CACNB1: variants seen among roughly 807,000 people sequenced by gnomAD.
CACNB1 encodes the protein voltage-dependent L-type calcium channel subunit beta-1.
A neutral mutation model predicts 71.6 loss-of-function variants in CACNB1; 29 were observed. The observed-to-expected ratio is 0.40, with a 90% confidence interval of 0.30 to 0.55. The LOEUF (loss-of-function observed/expected upper bound fraction) is 0.55, where lower values mean the gene tolerates loss of function less well. Ranked by LOEUF, CACNB1 falls within the 20% of genes least tolerant of loss-of-function variation. CACNB1 has a pLI of 0.38. For missense variants in CACNB1, 623 were observed against 801.8 expected (o/e 0.78, Z 2.69); for synonymous variants, 300 against 319.6 (o/e 0.94, Z 0.65).
intron 2 of CACNB1, chr17:39,193,247 CACAG>C: frequency 1.0e-5 from 3 of 300,778 alleles, no homozygotes; most frequent in Non-Finnish European, 2.0e-5. Context: ...CACAGGTGCA[CACAG>C]ACACACATGT....
intron 1 of CACNB1, among the ~76,000 whole-genome samples, chr17:39,196,293 A>T (rs2046199837): frequency 6.6e-6 from 1 of 151,890 alleles, no homozygotes; most frequent in Admixed American, 6.6e-5. Context: ...GATGCTCCCT[A>T]CAAACCTAGG....
chr17:39,187,086 T>C, intron 4 of CACNB1, 157 bp from the exon 5 acceptor site: 1 of 736,916 alleles, frequency 1.4e-6, no homozygotes, highest in Non-Finnish European at 2.2e-6. Flanking sequence ...TGAGTGGAGC[T>C]GCCAATTCTC....
At chr17:39,184,992 G>A (rs1054131915) in intron 7 of CACNB1, 128 bp from the exon 8 acceptor site, 116 of 970,846 alleles carry the variant, frequency 1.2e-4, no homozygotes, top group Middle Eastern at 2.1e-4. Context: ...AGGGATCAGG[G>A]TGGGGGTGGG....
At chr17:39,190,977 G>A (rs1246382512) in intron 3 of CACNB1, among the ~76,000 whole-genome samples, 3 of 151,840 alleles carry the variant, frequency 2.0e-5, no homozygotes, top group African/African-American at 7.3e-5. Context: ...GGCTGAGGGG[G>A]GCGGATCACA....
Position 39,186,780 on chromosome 17 carries a change from C to T in CACNB1, c.551+13G>A, listed in dbSNP as rs982288233. ...GGTTGGCAGCATCCCCTTCCCCTGC[C>T]CCACCCAGACACCTGGAGCCGAGGC... On this transcript the variant is annotated intron_variant, in intron 5 of 13. Coordinates refer to ENST00000394303, the MANE Select transcript of CACNB1 (RefSeq NM_000723.5). This position sits in a 1 kb window ranked among gnomAD's most constrained non-coding sequence, Gnocchi z 4.1. 2.5e-6 allele frequency: 4 copies of T among 1,613,388 alleles called. No homozygotes were observed. Among genetic ancestry groups the T allele is most frequent in the Non-Finnish European group, 3.4e-6 (4 of 1,179,876 alleles).
chr17:39,186,029 T>G lies in CACNB1; in HGVS notation c.628+467A>C. 6.2e-7 allele frequency: 1 copy of G among 1,613,964 alleles called. No individual in the cohort carries two copies. The highest frequency in any genetic ancestry group is 8.5e-7 in the Non-Finnish European group (1 of 1,179,922). ...AACACTAGTCTTGGCAGAGCCACTC[T>G]GCTCACCAAGCTCAGCCTCTTCCTC... On this transcript the variant is annotated intron_variant, in intron 6 of 13. Coordinates refer to ENST00000394303, the MANE Select transcript of CACNB1 (RefSeq NM_000723.5). The surrounding 1 kb of genome is among the most constrained non-coding windows in gnomAD (Gnocchi z 4.1).
At position 39,175,474 on chromosome 17, in the gene CACNB1, C is replaced by T. The variant is rs747747925; in HGVS notation, c.1516G>A (p.Gly506Ser). Reference protein sequence around the residue: ...RQDTFDADTPGSRNSAYTELG... With the variant: ...RQDTFDADTPSSRNSAYTELG... ...TCCGTGTAGGCAGAGTTTCGGCTGC[C>T]GGGGGTGTCGGCATCAAAAGTGTCT... The change falls in exon 14 of 14, where the codon GGC becomes AGC. Residue 506 changes from glycine to serine, a missense_variant. By Grantham distance (56) the Gly-to-Ser change is moderately conservative. Transcript: ENST00000394303. This position sits in a 1 kb window ranked among gnomAD's most constrained non-coding sequence, Gnocchi z 4.7. 3.1e-6 allele frequency: 5 copies of T among 1,614,076 alleles called. No individual in the cohort carries two copies. The highest frequency in any genetic ancestry group is 3.3e-5 in the Admixed American group (2 of 60,010).
chr17:39,187,230 C>T lies in CACNB1; in HGVS notation c.414+249G>A, dbSNP rs529121076. 6 of 604,800 alleles carry T rather than the reference C, an allele frequency of 9.9e-6. No individual in the cohort carries two copies. The African/African-American group carries it at 1.1e-4, about 11-fold the overall frequency. 37.5% of individuals were successfully genotyped at this position (604,800 alleles called of 1,614,324 possible). On this transcript the variant is annotated intron_variant, in intron 4 of 13. Transcript: ENST00000394303. ...CCGCTGGAGTAAATGCGGATACCTACATGTCCCTGGCACACCGCCATGCCA... is the reference window on the plus strand; with the variant it reads ...CCGCTGGAGTAAATGCGGATACCTATATGTCCCTGGCACACCGCCATGCCA...
chr17:39,175,459 CAG>C lies in CACNB1; in HGVS notation c.1529_1530del (p.Ser510CysfsTer15), dbSNP rs1450391889. On this transcript the variant is annotated frameshift_variant, in exon 14 of 14. Transcript: ENST00000394303. LOFTEE classifies it high-confidence loss of function. This position sits in a 1 kb window ranked among gnomAD's most constrained non-coding sequence, Gnocchi z 4.7. The part of the protein sequence containing the change: ...FDADTPGSRN[S>X]AYTELGDSCV... ...CATGAGTCTCCCAGCTCCGTGTAGG[CAG>C]AGTTTCGGCTGCCGGGGGTGTCGGC... 6.2e-6 allele frequency: 10 copies of C among 1,614,086 alleles called. No individual in the cohort carries two copies. Among genetic ancestry groups the C allele is most frequent in the South Asian group, 2.2e-5 (2 of 91,084 alleles).
At chr17:39,184,276 A>C in intron 9 of CACNB1, 49 bp downstream of exon 9, 15 of 1,352,894 alleles carry the variant, frequency 1.1e-5, no homozygotes, top group Non-Finnish European at 1.5e-5. Flanking sequence ...GCCCATCCCC[A>C]GCAGCAGAGA....
chr17:39,193,058 G>C (rs1358296982), intron 2 of CACNB1: 2 of 174,232 alleles, frequency 1.1e-5, no homozygotes, highest in African/African-American at 4.8e-5. Context: ...GGGCATGCGC[G>C]TGCACACACA....
chr17:39,177,205 T>G lies in CACNB1; in HGVS notation c.1332+145A>C. On this transcript the variant is annotated intron_variant, in intron 13 of 13. Transcript: ENST00000394303. ...TCCTCCATGTTCCCTGCACTCCAGT[T>G]CCGACCCCAGAGCAGGAGGGAAGAC... 3.3e-6 allele frequency: 5 copies of G among 1,522,930 alleles called. No homozygotes were observed. The South Asian group carries it at 6.3e-5, about 19-fold the overall frequency. 94.3% of individuals were successfully genotyped at this position (1,522,930 alleles called of 1,614,324 possible).
rs2045613387 is a variant in CACNB1 at position 39,177,458 on chromosome 17, A to G, written c.1224T>C (p.Tyr408=). The G allele has an allele frequency of 1.2e-6, 2 of 1,613,090 alleles. No individual in the cohort carries two copies. The highest frequency in any genetic ancestry group is 1.7e-6 in the Non-Finnish European group (2 of 1,179,372). Residue 408 remains tyrosine (Y), a synonymous_variant, in exon 13 of 14, where the codon TAT becomes TAC. Coordinates refer to ENST00000394303, the MANE Select transcript of CACNB1 (RefSeq NM_000723.5). Reference sequence around the variant, plus strand: ...TGCTGGGCGGGTGTGTGGCCTTCCAATAGGCTTCCAAGTACTCCGCCAGAT... The same window carrying G: ...TGCTGGGCGGGTGTGTGGCCTTCCAGTAGGCTTCCAAGTACTCCGCCAGAT... ...CEHLAEYLEA[Y]WKATHPPSST...
In CACNB1 at chr17:39,186,996, C is replaced by T. The variant is rs1015760967; in HGVS notation, c.415-67G>A. 35 of 1,568,798 alleles carry T rather than the reference C, an allele frequency of 2.2e-5. No homozygotes were observed. In the Admixed American group the frequency reaches 5.4e-4, roughly 24 times the overall value. ...AACTGCAGGGGCAAGCTAGCAGTCACTCTCTAGGGGAAACGCCCAGACTCA... is the reference window on the plus strand; with the variant it reads ...AACTGCAGGGGCAAGCTAGCAGTCATTCTCTAGGGGAAACGCCCAGACTCA... On this transcript the variant is annotated intron_variant, in intron 4 of 13. Transcript: ENST00000394303. The surrounding 1 kb of genome is among the most constrained non-coding windows in gnomAD (Gnocchi z 4.1).
intron 12 of CACNB1, 108 bp downstream of exon 12, chr17:39,177,876 G>T (rs576963228): frequency 4.5e-6 from 4 of 889,418 alleles, no homozygotes; most frequent in Admixed American, 1.8e-5. Flanking sequence ...GCACCCACAG[G>T]CCTGACCCAG....
At chr17:39,183,366 A>AGAAGAAG (rs1567798796) in intron 11 of CACNB1, among the ~76,000 whole-genome samples, 1 of 151,264 alleles carries the variant, frequency 6.6e-6, no homozygotes, top group Non-Finnish European at 1.5e-5. Context: ...AAGAAGAAGA[A>AGAAGAAG]AGGAAAGACC....
chr17:39,176,250 G>A (rs1201264514), intron 13 of CACNB1, among the ~76,000 whole-genome samples: 1 of 152,070 alleles, frequency 6.6e-6, no homozygotes, highest in Non-Finnish European at 1.5e-5. Context: ...AAGGCTGCTG[G>A]GTCTCCCCCT....
intron 2 of CACNB1, chr17:39,192,909 G>A (rs2046115116): frequency 6.5e-6 from 1 of 152,682 alleles, no homozygotes; most frequent in Non-Finnish European, 1.5e-5. Context: ...TGGGGAAAGA[G>A]GCATGAAGGA....
Position 39,175,724 on chromosome 17 carries a change from A to G in CACNB1, c.1333-67T>C, listed in dbSNP as rs1052033570. The G allele has an allele frequency of 1.6e-5, 21 of 1,274,132 alleles. No individual in the cohort carries two copies. The highest frequency in any genetic ancestry group is 2.3e-5 in the Non-Finnish European group (21 of 919,490). 78.9% of individuals were successfully genotyped at this position (1,274,132 alleles called of 1,614,324 possible). A position where few individuals can be genotyped will look rare whatever the true frequency, so the allele number is the denominator to read the frequency against. On this transcript the variant is annotated intron_variant, in intron 13 of 13. Coordinates refer to ENST00000394303, the MANE Select transcript of CACNB1 (RefSeq NM_000723.5). This position sits in a 1 kb window ranked among gnomAD's most constrained non-coding sequence, Gnocchi z 4.7. ...GGGGTGAGAAAAACACAACAAAGCA[A>G]GGCAAGTTAGTGACAGCATTAAGAG...
Sources: gnomAD v4.1 joint callset for allele counts (sites outside exome capture counted in the v4.1 genomes callset) on GRCh38, gnomAD v4.1.1 for gene constraint, Gnocchi (gnomAD v3.1) non-coding constraint, MANE v1.5 for transcripts, NCBI Gene and HGNC (gene_info 2026-07-23, HGNC 2026-07-21) for gene names.